MGAT4C: variants seen among roughly 807,000 people sequenced by gnomAD.
MGAT4C encodes alpha-1,3-mannosyl-glycoprotein 4-beta-N-acetylglucosaminyltransferase C.
A neutral mutation model predicts 40.1 loss-of-function variants in MGAT4C; 19 were observed. The observed-to-expected ratio is 0.47, with a 90% CI of 0.33 to 0.70. The LOEUF (loss-of-function observed/expected upper bound fraction) is 0.70, where lower values mean the gene tolerates loss of function less well. Among genes scored for constraint, MGAT4C ranks in the 30% least tolerant of loss-of-function variants. The pLI is 0.02. For missense variants in MGAT4C, 491 were observed against 563.2 expected (o/e 0.87, Z 1.30); for synonymous variants, 181 against 187.1 (o/e 0.97, Z 0.27).
At chr12:86,134,787 T>C (rs1390796649) in intron 1 of MGAT4C, among the ~76,000 whole-genome samples, 1 of 152,048 alleles carries the variant, frequency 6.6e-6, no homozygotes, top group African/African-American at 2.4e-5. Flanking sequence ...CAAAGAAGAG[T>C]GCCGATCTCT....
chr12:86,005,985 G>A (rs926017341), intron 2 of MGAT4C, among the ~76,000 whole-genome samples: 8 of 152,118 alleles, frequency 5.3e-5, no homozygotes, highest in African/African-American at 1.4e-4. Flanking sequence ...TCCAGTATCC[G>A]TCTACAACTT....
At chr12:86,577,288 G>C (rs889558904) in intron 2 of MGAT4C, among the ~76,000 whole-genome samples, 4 of 151,756 alleles carry the variant, frequency 2.6e-5, no homozygotes, top group African/African-American at 9.7e-5. Flanking sequence ...CAATTTGGAT[G>C]TTCTTTAAAT....
intron 3 of MGAT4C, among the ~76,000 whole-genome samples, chr12:86,391,911 GTTAA>G (rs1261431143): frequency 6.6e-6 from 1 of 152,040 alleles, no homozygotes; most frequent in East Asian, 1.9e-4. Flanking sequence ...GGGAAGCAAA[GTTAA>G]TTTGAGTTCC....
chr12:86,111,598 T>C (rs937021630), intron 1 of MGAT4C, among the ~76,000 whole-genome samples: 7 of 151,882 alleles, frequency 4.6e-5, no homozygotes, highest in Non-Finnish European at 7.4e-5. Flanking sequence ...ACTGTAGATA[T>C]GTGCTTGATT....
chr12:86,328,838 G>A (rs555892199), intron 4 of MGAT4C, among the ~76,000 whole-genome samples: 1 of 152,114 alleles, frequency 6.6e-6, no homozygotes, highest in Admixed American at 6.6e-5. Context: ...AGGTGTGGTG[G>A]CTCACACCTG....
At chr12:86,756,752 T>C (rs936737088) in intron 1 of MGAT4C, among the ~76,000 whole-genome samples, 1 of 152,072 alleles carries the variant, frequency 6.6e-6, no homozygotes, top group Non-Finnish European at 1.5e-5. Flanking sequence ...ATCCATAAAA[T>C]GATGATATAG....
At chr12:86,057,917 T>A (rs937058212) in intron 1 of MGAT4C, among the ~76,000 whole-genome samples, 4 of 152,158 alleles carry the variant, frequency 2.6e-5, no homozygotes, top group Non-Finnish European at 5.9e-5. Flanking sequence ...TAATTTTGAT[T>A]TGGCAGTTGT....
intron 2 of MGAT4C, among the ~76,000 whole-genome samples, chr12:86,587,798 T>G (rs1181482295): frequency 6.6e-6 from 1 of 151,350 alleles, no homozygotes. Flanking sequence ...ACATTGATTT[T>G]GTATCCTGAG....
intron 2 of MGAT4C, among the ~76,000 whole-genome samples, chr12:86,607,494 C>A (rs1962083001): frequency 6.6e-6 from 1 of 151,864 alleles, no homozygotes; most frequent in Admixed American, 6.6e-5. Flanking sequence ...TTTGTTTTGT[C>A]AATAACAAAA....
At chr12:86,171,004 C>T (rs1369669627) in intron 1 of MGAT4C, among the ~76,000 whole-genome samples, 1 of 152,134 alleles carries the variant, frequency 6.6e-6, no homozygotes, top group African/African-American at 2.4e-5. Context: ...CTCTGAGGTA[C>T]ATTCTAAGTA....
At chr12:86,739,715 A>G (rs1951037936) in intron 1 of MGAT4C, among the ~76,000 whole-genome samples, 1 of 151,044 alleles carries the variant, frequency 6.6e-6, no homozygotes, top group Admixed American at 6.6e-5. Context: ...ATACTACACT[A>G]TTTTATATAA....
chr12:86,248,194 T>C (rs887880062), intron 1 of MGAT4C, among the ~76,000 whole-genome samples: 2 of 140,318 alleles, frequency 1.4e-5, no homozygotes, highest in African/African-American at 2.7e-5. Flanking sequence ...ACCTAGTTTC[T>C]CTTCCTTCCT....
chr12:86,531,609 T>C (rs1173623528), intron 2 of MGAT4C, among the ~76,000 whole-genome samples: 1 of 152,054 alleles, frequency 6.6e-6, no homozygotes. Context: ...AGCCACTTTT[T>C]TTCAGACTTT....
chr12:86,171,310 G>A (rs1454134870), intron 1 of MGAT4C, among the ~76,000 whole-genome samples: 4 of 152,108 alleles, frequency 2.6e-5, no homozygotes, highest in South Asian at 2.1e-4. Flanking sequence ...CAGAGGTTGC[G>A]GTGAGCTGAG....
chr12:86,767,899 C>G (rs1951545621), intron 1 of MGAT4C, among the ~76,000 whole-genome samples: 1 of 152,166 alleles, frequency 6.6e-6, no homozygotes, highest in South Asian at 2.1e-4. Context: ...GACAAACCCA[C>G]AGCCAATATC....
intron 2 of MGAT4C, among the ~76,000 whole-genome samples, chr12:86,618,120 A>G (rs534392881): frequency 1.3e-5 from 2 of 152,334 alleles, no homozygotes; most frequent in African/African-American, 2.4e-5. Flanking sequence ...AATCAAAACC[A>G]CAATGAGATA....
chr12:86,652,133 A>C (rs1156953276), intron 2 of MGAT4C, among the ~76,000 whole-genome samples: 4 of 151,916 alleles, frequency 2.6e-5, no homozygotes, highest in African/African-American at 9.7e-5. Flanking sequence ...GTCCTCCTCC[A>C]GAACATTATC....
intron 1 of MGAT4C, among the ~76,000 whole-genome samples, chr12:86,790,994 G>T (rs140055524): frequency 1.1e-4 from 17 of 152,214 alleles, no homozygotes; most frequent in African/African-American, 3.6e-4. Flanking sequence ...TTGGGAAGTT[G>T]CCAGAAAAAT....
intron 2 of MGAT4C, among the ~76,000 whole-genome samples, chr12:86,447,377 G>T (rs759406427): frequency 8.6e-5 from 13 of 151,994 alleles, no homozygotes; most frequent in Non-Finnish European, 1.8e-4. Flanking sequence ...CACCTGCCTT[G>T]GCCTCCCAAA....
Sources: gnomAD v4.1 joint callset for allele counts (sites outside exome capture counted in the v4.1 genomes callset) on GRCh38, gnomAD v4.1.1 for gene constraint, MANE v1.5 for transcripts, NCBI Gene and HGNC (gene_info 2026-07-23, HGNC 2026-07-21) for gene names.